The following CSMD1 variants were observed in gnomAD, a reference collection of about 807,000 sequenced individuals.
The protein encoded by CSMD1 is CUB and Sushi multiple domains 1.
CSMD1 carries 213 observed loss-of-function variants against 417.5 expected under a neutral mutation model. The ratio of observed to expected loss-of-function variants is 0.51; its 90% CI spans 0.46 to 0.57. The LOEUF is 0.57. Among genes scored for constraint, CSMD1 ranks in the 20% least tolerant of loss-of-function variants. The pLI is 0.00. For missense variants in CSMD1, 6,923 were observed against 4,529.7 expected (o/e 1.53, Z -15.17); for synonymous variants, 2,862 against 1,736.8 (o/e 1.65, Z -16.11).
intron 7 of CSMD1, among the ~76,000 whole-genome samples, chr8:3,619,230 C>T (rs528785826): frequency 2.0e-5 from 3 of 152,102 alleles, no homozygotes; most frequent in African/African-American, 7.2e-5. Context: ...CACACAAACC[C>T]AGACAGGACA....
In CSMD1 at chr8:4,257,978, A is replaced by C. The variant is rs150664113; in HGVS notation, c.415+161975T>G. On this transcript the variant is annotated intron_variant, in intron 3 of 69. Transcript: ENST00000635120. ...ATCTTTGTCTGCTCAAGCTGCCATA[A>C]AAGAATATCATAGAATAAGTGGATT... 6.1e-3 allele frequency among the ~76,000 whole-genome samples: 934 copies of C among 152,262 alleles called. 11 individuals are homozygous for C. The highest frequency in any genetic ancestry group is 0.021 in the African/African-American group (888 of 41,538).
At chr8:4,710,927 C>T (rs1169155600) in intron 1 of CSMD1, among the ~76,000 whole-genome samples, 1 of 151,826 alleles carries the variant, frequency 6.6e-6, no homozygotes, top group African/African-American at 2.4e-5. Context: ...TGAGTCCAAA[C>T]ATAAAAGGAC....
chr8:4,643,169 AT>A (rs781212909), intron 1 of CSMD1, among the ~76,000 whole-genome samples: 1 of 152,224 alleles, frequency 6.6e-6, no homozygotes, highest in Non-Finnish European at 1.5e-5. Context: ...TGTGGTTTTT[AT>A]CCCGTTTGCA....
At chr8:3,559,157 T>G (rs1315288474) in intron 10 of CSMD1, among the ~76,000 whole-genome samples, 2 of 152,234 alleles carry the variant, frequency 1.3e-5, no homozygotes, top group African/African-American at 4.8e-5. Flanking sequence ...TGGCAGGAAC[T>G]TCCATGAGCT....
intron 5 of CSMD1, among the ~76,000 whole-genome samples, chr8:3,918,243 T>C (rs1245587391): frequency 6.6e-6 from 1 of 151,996 alleles, no homozygotes; most frequent in African/African-American, 2.4e-5. Flanking sequence ...ATATGGTAGG[T>C]TTTGTTGTTG....
At chr8:3,907,088 G>A (rs1457468337) in intron 5 of CSMD1, among the ~76,000 whole-genome samples, 6 of 152,156 alleles carry the variant, frequency 3.9e-5, no homozygotes, top group Non-Finnish European at 8.8e-5. Context: ...CACATCCCAT[G>A]ACTCAAAATC....
intron 6 of CSMD1, among the ~76,000 whole-genome samples, chr8:3,753,572 C>T (rs1167572211): frequency 1.3e-5 from 2 of 152,080 alleles, no homozygotes; most frequent in Non-Finnish European, 2.9e-5. Context: ...TTTCATGCAA[C>T]CTATATGCTA....
intron 5 of CSMD1, among the ~76,000 whole-genome samples, chr8:3,872,392 A>G (rs1288003957): frequency 6.6e-6 from 1 of 152,096 alleles, no homozygotes; most frequent in Non-Finnish European, 1.5e-5. Context: ...GTGACTCTCA[A>G]CTGTTCATTA....
At chr8:2,949,197 G>T in intron 68 of CSMD1, 102 bp downstream of exon 68, 3 of 649,004 alleles carry the variant, frequency 4.6e-6, no homozygotes, top group South Asian at 3.7e-5. Context: ...CATTATTTTT[G>T]TTTAGGTTTC....
At position 4,637,402 on chromosome 8, in the gene CSMD1, T is replaced by C. The variant is rs1484944675; in HGVS notation, c.242A>G (p.Glu81Gly). ...QLSFHTFALE[E>G]DFDILSVYDG... Reference sequence around the variant, plus strand: ...GTAAACTGATAAAATATCAAAATCTTCTTCAAGAGCAAAGGTATGGAAGGA... The same window carrying C: ...GTAAACTGATAAAATATCAAAATCTCCTTCAAGAGCAAAGGTATGGAAGGA... The change falls in exon 2 of 70, where the codon GAA becomes GGA. Residue 81 changes from glutamate (E) to glycine (G), a missense_variant. Coordinates refer to ENST00000635120, the MANE Select transcript of CSMD1 (RefSeq NM_033225.6). 1 of 1,613,814 alleles carries C rather than the reference T, an allele frequency of 6.2e-7. No individual in the cohort carries two copies. Among genetic ancestry groups the C allele is most frequent in the Non-Finnish European group, 8.5e-7 (1 of 1,179,876 alleles).
chr8:3,648,031 T>C (rs1340897615), intron 7 of CSMD1, among the ~76,000 whole-genome samples: 1 of 152,228 alleles, frequency 6.6e-6, no homozygotes, highest in Non-Finnish European at 1.5e-5. Flanking sequence ...AGCTAATCAA[T>C]GAACCAGATC....
chr8:4,147,881 G>C (rs964856438), intron 3 of CSMD1, among the ~76,000 whole-genome samples: 1 of 152,026 alleles, frequency 6.6e-6, no homozygotes, highest in Non-Finnish European at 1.5e-5. Flanking sequence ...TGGAATCAGG[G>C]GCTGCATGTG....
chr8:4,297,154 T>C (rs371194947), intron 3 of CSMD1, among the ~76,000 whole-genome samples: 1 of 152,224 alleles, frequency 6.6e-6, no homozygotes, highest in East Asian at 1.9e-4. Context: ...ATAAAACACA[T>C]AAAATAGTCA....
intron 3 of CSMD1, among the ~76,000 whole-genome samples, chr8:4,165,369 C>G (rs1797395727): frequency 1.3e-5 from 2 of 152,356 alleles, no homozygotes; most frequent in African/African-American, 4.8e-5. Flanking sequence ...GACTCTAAAA[C>G]AACTCTTACT....
intron 2 of CSMD1, among the ~76,000 whole-genome samples, chr8:4,486,138 CATACATATATATAT>C (rs1801373284): frequency 3.3e-5 from 1 of 30,258 alleles, no homozygotes; most frequent in South Asian, 9.3e-4. Flanking sequence ...TATATATATA[CATACATATATATAT>C]ATATACATAC....
chr8:4,336,499 C>T (rs919855629), intron 3 of CSMD1, among the ~76,000 whole-genome samples: 1 of 152,150 alleles, frequency 6.6e-6, no homozygotes, highest in Non-Finnish European at 1.5e-5. Flanking sequence ...ACAGATACAA[C>T]TACATGGTGC....
chr8:3,091,708 C>A, intron 47 of CSMD1, 46 bp from the exon 48 acceptor site: 1 of 1,558,268 alleles, frequency 6.4e-7, no homozygotes, highest in African/African-American at 1.4e-5. Flanking sequence ...GAGTGAGCAC[C>A]TACCAAATGC....
At chr8:3,790,435 A>C (rs933517690) in intron 5 of CSMD1, among the ~76,000 whole-genome samples, 7 of 152,154 alleles carry the variant, frequency 4.6e-5, no homozygotes, top group African/African-American at 1.7e-4. Flanking sequence ...TATTATAATG[A>C]TGGTGATGAT....
chr8:3,237,158 G>T lies in CSMD1; in HGVS notation c.4154-6927C>A, dbSNP rs140620441. 6.2e-3 allele frequency among the ~76,000 whole-genome samples: 942 copies of T among 151,618 alleles called. 12 individuals carry two copies. The highest frequency in any genetic ancestry group is 0.032 in the Admixed American group (482 of 15,128). ...AATCTTTTTGCAACTAGATAAGAGA[G>T]ATATATATATAGTCTCACAACTTTG... is the stretch of plus-strand genomic sequence containing the variant. On this transcript the variant is annotated intron_variant, in intron 26 of 69. Transcript: ENST00000635120.
Sources: gnomAD v4.1 joint callset for allele counts (sites outside exome capture counted in the v4.1 genomes callset) on GRCh38, gnomAD v4.1.1 for gene constraint, MANE v1.5 for transcripts, NCBI Gene and HGNC (gene_info 2026-07-23, HGNC 2026-07-21) for gene names.